Variants in PTGIS observed in about 807,000 individuals in gnomAD.
PTGIS encodes the protein prostacyclin synthase.
In PTGIS, 45 loss-of-function variants were observed where a neutral mutation model predicts 50.3. The observed-to-expected ratio is 0.90, with a 90% CI of 0.70 to 1.15. The LOEUF (loss-of-function observed/expected upper bound fraction) is 1.15, where lower values mean the gene tolerates loss of function less well. Among genes scored for constraint, PTGIS ranks in the 50% most tolerant of loss-of-function variants. PTGIS has a pLI of 0.00. For synonymous variants in PTGIS, 260 were observed against 267.7 expected, an observed-to-expected ratio of 0.97 and a Z score of 0.28; for missense variants, 668 against 661.3, an observed-to-expected ratio of 1.01 and a Z score of -0.11.
intron 5 of PTGIS, among the ~76,000 whole-genome samples, chr20:49,536,478 C>CTTTTTTTTT (rs761478359): frequency 8.7e-4 from 95 of 108,670 alleles, no homozygotes; most frequent in South Asian, 1.2e-3. Flanking sequence ...TTCTTTCTTT[C>CTTTTTTTTT]TTTTTTTTTT....
At chr20:49,551,030 G>A (rs565727260) in intron 1 of PTGIS, among the ~76,000 whole-genome samples, 9 of 152,040 alleles carry the variant, frequency 5.9e-5, no homozygotes, top group Non-Finnish European at 8.8e-5. Context: ...ATGATGAAAC[G>A]TCATCTCTAC....
At chr20:49,547,366 T>TA (rs1982384196) in intron 3 of PTGIS, among the ~76,000 whole-genome samples, 1 of 152,228 alleles carries the variant, frequency 6.6e-6, no homozygotes, top group Admixed American at 6.5e-5. Context: ...GTAAGTTACT[T>TA]AGCCTCCAGC....
intron 6 of PTGIS, among the ~76,000 whole-genome samples, chr20:49,517,158 C>T (rs1238499153): frequency 6.6e-6 from 1 of 152,238 alleles, no homozygotes; most frequent in East Asian, 1.9e-4. Flanking sequence ...GGCCTCCGGC[C>T]CTTTCTGAGA....
At chr20:49,559,798 G>A (rs1295885803) in intron 1 of PTGIS, among the ~76,000 whole-genome samples, 1 of 152,144 alleles carries the variant, frequency 6.6e-6, no homozygotes, top group Admixed American at 6.5e-5. Context: ...GGCTGGAGGA[G>A]GGGGAAATGG....
intron 1 of PTGIS, among the ~76,000 whole-genome samples, chr20:49,557,598 G>A (rs1175791966): frequency 1.3e-5 from 2 of 151,686 alleles, no homozygotes; most frequent in Non-Finnish European, 2.9e-5. Flanking sequence ...GAAAACCAGG[G>A]AGAAAAGAAA....
At chr20:49,539,809 A>G in intron 4 of PTGIS, 88 bp from the exon 5 acceptor site, 3 of 1,491,654 alleles carry the variant, frequency 2.0e-6, no homozygotes, top group Non-Finnish European at 2.7e-6. Flanking sequence ...TCATACACCC[A>G]GTGAGCAACT....
intron 4 of PTGIS, among the ~76,000 whole-genome samples, chr20:49,543,886 C>G (rs945023826): frequency 6.6e-6 from 1 of 152,176 alleles, no homozygotes; most frequent in Non-Finnish European, 1.5e-5. Flanking sequence ...GATTAGTGCC[C>G]GGCACTGCTG....
chr20:49,538,704 A>AT lies in PTGIS; in HGVS notation c.673+865_673+866insA, dbSNP rs1568679012. Reference sequence around the variant, plus strand: ...ATTTATTTATTTATTTATTTATTTAAGACAGAGTCTGGCTCTGTCACTCAG... The same window carrying AT: ...ATTTATTTATTTATTTATTTATTTAATGACAGAGTCTGGCTCTGTCACTCAG... On this transcript the variant is annotated intron_variant, in intron 5 of 9. Coordinates refer to ENST00000244043, the MANE Select transcript of PTGIS (RefSeq NM_000961.4). Among the ~76,000 whole-genome samples the AT allele has an allele frequency of 2.1e-3, 286 of 135,396 alleles. 3 individuals carry two copies. The highest frequency in any genetic ancestry group is 9.5e-3 in the African/African-American group (258 of 27,138). 88.8% of individuals were successfully genotyped at this position (135,396 alleles called of 152,430 possible).
intron 5 of PTGIS, among the ~76,000 whole-genome samples, chr20:49,528,031 T>G (rs143734251): frequency 6.6e-6 from 1 of 152,034 alleles, no homozygotes; most frequent in Non-Finnish European, 1.5e-5. Flanking sequence ...TCCCAGTTAC[T>G]TGGGAGGCTG....
At position 49,514,294 on chromosome 20, in the gene PTGIS, T is replaced by C. The variant is rs1242708576; in HGVS notation, c.957A>G (p.Gln319=). The C allele has an allele frequency of 1.2e-6, 2 of 1,613,986 alleles. No individual in the cohort carries two copies. The highest frequency in any genetic ancestry group is 1.3e-5 in the African/African-American group (1 of 74,908). The part of the protein sequence containing the change: ...VRGELESILW[Q]AEQPVSQTTT... The stretch of plus-strand genomic sequence containing the variant: ...TCGTCTGCGAGACAGGCTGCTCCGC[T>C]TGCCAAAGGATACTCTCGAGCTCTC... Residue 319 remains glutamine (Q), a synonymous_variant, in exon 7 of 10, where the codon CAA becomes CAG. Transcript: ENST00000244043.
rs370453415 is a variant in PTGIS at position 49,513,154 on chromosome 20, G to A, written c.1132C>T (p.Arg378Ter). Reference sequence around the variant, plus strand: ...AAGAGGAGGAGGCGGTCACCACGTCGCAGGTTGAATTCTCGCCCGTCTGCC... The same window carrying A: ...AAGAGGAGGAGGCGGTCACCACGTCACAGGTTGAATTCTCGCCCGTCTGCC... The part of the protein sequence containing the change: ...PMADGREFNL[R>*]RGDRLLLFPF... The change falls in exon 8 of 10, where the codon CGA (arginine) becomes TGA (stop). Residue 378 changes from arginine (R) to a stop codon, truncating the protein, a stop_gained. Transcript: ENST00000244043. LOFTEE classifies it high-confidence loss of function. The A allele has an allele frequency of 8.7e-6, 14 of 1,613,988 alleles. No homozygotes were observed. In the Middle Eastern group the frequency reaches 6.6e-4, roughly 76 times the overall value.
At chr20:49,557,026 C>T (rs1032036370) in intron 1 of PTGIS, among the ~76,000 whole-genome samples, 2 of 152,190 alleles carry the variant, frequency 1.3e-5, no homozygotes, top group South Asian at 4.1e-4. Context: ...TACTGATATA[C>T]GGACTTGAGA....
chr20:49,547,091 G>A (rs1441191692), intron 3 of PTGIS, among the ~76,000 whole-genome samples: 1 of 152,162 alleles, frequency 6.6e-6, no homozygotes, highest in Non-Finnish European at 1.5e-5. Flanking sequence ...AATTAGCCAG[G>A]TGTGGTGGCA....
At position 49,547,961 on chromosome 20, in the gene PTGIS, A is replaced by G. The variant is rs77466832; in HGVS notation, c.257T>C (p.Val86Ala). 6.8e-6 allele frequency: 11 copies of G among 1,613,902 alleles called. No individual in the cohort carries two copies. In the African/African-American group the frequency reaches 1.5e-4, roughly 22 times the overall value. The change falls in exon 3 of 10, where the codon GTG becomes GCG. Residue 86 changes from valine to alanine, a missense_variant. Coordinates refer to ENST00000244043, the MANE Select transcript of PTGIS (RefSeq NM_000961.4). ...GAGCCTGGTGCGAGGCTCCCACACC[A>G]CCGCGTCGTAGGAGTGTGGGTCCAG... ...VLLDPHSYDA[V>A]VWEPRTRLDF... is the part of the protein sequence containing the mutation.
intron 1 of PTGIS, among the ~76,000 whole-genome samples, chr20:49,564,309 T>C (rs367553742): frequency 1.3e-5 from 2 of 152,140 alleles, no homozygotes; most frequent in East Asian, 3.8e-4. Flanking sequence ...TGGAGTGCAA[T>C]GGCGCAAGCT....
intron 6 of PTGIS, among the ~76,000 whole-genome samples, chr20:49,519,231 G>C (rs146933140): frequency 1.6e-3 from 236 of 151,640 alleles, no homozygotes; most frequent in African/African-American, 5.4e-3. Context: ...GGATGCCTGA[G>C]ACTCCCACTG....
intron 1 of PTGIS, among the ~76,000 whole-genome samples, chr20:49,559,988 G>A (rs912490186): frequency 4.6e-5 from 7 of 150,980 alleles, no homozygotes; most frequent in South Asian, 2.1e-4. Flanking sequence ...GCAATGGCGC[G>A]ATCTTGGCTC....
At position 49,547,824 on chromosome 20, in the gene PTGIS, C is replaced by A; in HGVS notation, c.377+17G>T. On this transcript the variant is annotated intron_variant, in intron 3 of 9. Transcript: ENST00000244043. ...CCCACCCTGGCCCTCCCACAGGTGC[C>A]ATCTCCAGCCACTCACAGTTTCATC... The A allele has an allele frequency of 6.2e-7, 1 of 1,613,964 alleles. No homozygotes were observed. The highest frequency in any genetic ancestry group is 8.5e-7 in the Non-Finnish European group (1 of 1,179,930).
chr20:49,528,491 G>T (rs1981848144), intron 5 of PTGIS, among the ~76,000 whole-genome samples: 1 of 152,074 alleles, frequency 6.6e-6, no homozygotes, highest in Non-Finnish European at 1.5e-5. Context: ...ATGGTGGTGG[G>T]CGCCTGTAGT....
Sources: allele counts gnomAD v4.1 joint callset (sites outside exome capture counted in the v4.1 genomes callset), GRCh38; gene constraint gnomAD v4.1.1; transcripts MANE v1.5; gene names NCBI Gene and HGNC (gene_info 2026-07-23, HGNC 2026-07-21).